Variants in DGKK observed in about 807,000 individuals in gnomAD.
DGKK encodes diacylglycerol kinase kappa.
Under a neutral mutation model 92.2 loss-of-function variants are expected in DGKK, and 35 were observed. The observed-to-expected ratio is 0.38, with a 90% confidence interval of 0.29 to 0.50. The LOEUF (loss-of-function observed/expected upper bound fraction) is 0.50, where lower values mean the gene tolerates loss of function less well. DGKK is among the 20% of genes least tolerant of loss of function. The probability of loss-of-function intolerance (pLI) is 0.92; values close to 1 mark genes in which losing one functional copy is unlikely to be tolerated. For missense variants in DGKK, 910 were observed against 992.2 expected (o/e 0.92, Z 1.11); for synonymous variants, 368 against 360.6 (o/e 1.02, Z -0.23).
chrX:50,451,676 T>C (rs2147148812), intron 1 of DGKK, among the ~76,000 whole-genome samples: 1 of 111,618 alleles, frequency 9.0e-6, no homozygotes, highest in Admixed American at 9.6e-5. Flanking sequence ...ATCTACCACT[T>C]TTCTATGAAA....
At position 50,468,796 on chromosome X, in the gene DGKK, G is replaced by A. The variant is rs782584609; in HGVS notation, c.645+1238C>T. On this transcript the variant is annotated intron_variant, in intron 1 of 27. Transcript: ENST00000611977. ...CACAGCAGAAGGGTTCCTGAGCCGTGTCCTTATGGTCTGCTAGGCAGCAGG... is the reference window on the plus strand; with the variant it reads ...CACAGCAGAAGGGTTCCTGAGCCGTATCCTTATGGTCTGCTAGGCAGCAGG... Among the ~76,000 whole-genome samples, 11 of 110,347 alleles carry A rather than the reference G, an allele frequency of 1.0e-4. 1 individual carries two copies. In the East Asian group the frequency reaches 2.6e-3, roughly 26 times the overall value.
chrX:50,436,078 G>A (rs1926015768), intron 1 of DGKK, among the ~76,000 whole-genome samples: 3 of 112,174 alleles, frequency 2.7e-5, no homozygotes, highest in African/African-American at 9.7e-5. Context: ...TGAGACACTA[G>A]TCTGTCAAAG....
At chrX:50,425,003 C>T (rs1925697172) in intron 1 of DGKK, among the ~76,000 whole-genome samples, 1 of 112,039 alleles carries the variant, frequency 8.9e-6, no homozygotes, top group Non-Finnish European at 1.9e-5. Flanking sequence ...ACCTGCTGAA[C>T]AGACTGATCC....
intron 20 of DGKK, among the ~76,000 whole-genome samples, chrX:50,378,975 A>G (rs969220349): frequency 1.8e-5 from 2 of 112,064 alleles, no homozygotes; most frequent in Non-Finnish European, 3.8e-5. Flanking sequence ...TAAAGGGGTC[A>G]TGGTCAGCAT....
In DGKK at chrX:50,403,578, G is replaced by A; in HGVS notation, c.1098C>T (p.His366=). ...IICEVCKVKS[H]RLCALRASKD... is the part of the protein sequence containing the mutation. ...TGCTTGCTCTCAAAGCACACAATCT[G>A]TGAGATTTCACTTTGCACACTGTGA... Residue 366 remains histidine, a synonymous_variant, in exon 6 of 28, where the codon CAC becomes CAT. Transcript: ENST00000611977. 5 of 1,207,617 alleles carry A rather than the reference G, an allele frequency of 4.1e-6. No homozygotes were observed. The highest frequency in any genetic ancestry group is 5.6e-6 in the Non-Finnish European group (5 of 892,406).
rs6614458 is a variant in DGKK at position 50,426,458 on chromosome X, T to C, written c.646-2100A>G. 0.015 allele frequency among the ~76,000 whole-genome samples: 1,735 copies of C among 112,017 alleles called. 82 individuals carry two copies. The East Asian group carries it at 0.24, about 15-fold the overall frequency. ...GCATTTGATAAGCTCTTTAATGATA[T>C]TACTATGAGCAAGAAGGAGAAATTA... On this transcript the variant is annotated intron_variant, in intron 1 of 27. Transcript: ENST00000611977.
At chrX:50,428,972 A>C (rs868940257) in intron 1 of DGKK, among the ~76,000 whole-genome samples, 14 of 111,937 alleles carry the variant, frequency 1.3e-4, no homozygotes, top group South Asian at 3.8e-4. Context: ...AACAATCTTT[A>C]CCCGCTTGGG....
At chrX:50,454,909 T>TA (rs1370133187) in intron 1 of DGKK, among the ~76,000 whole-genome samples, 1 of 112,273 alleles carries the variant, frequency 8.9e-6, no homozygotes, top group Non-Finnish European at 1.9e-5. Flanking sequence ...TCCTCTTTTA[T>TA]AATTCTACAG....
At chrX:50,409,619 G>C (rs1320397981) in intron 4 of DGKK, among the ~76,000 whole-genome samples, 5 of 112,019 alleles carry the variant, frequency 4.5e-5, no homozygotes, top group African/African-American at 6.5e-5. Context: ...AAAGCTTTCA[G>C]TGTGTGGTTG....
At chrX:50,448,104 C>G (rs1292763926) in intron 1 of DGKK, among the ~76,000 whole-genome samples, 1 of 111,166 alleles carries the variant, frequency 9.0e-6, no homozygotes, top group Admixed American at 9.5e-5. Flanking sequence ...TTCTAAACAT[C>G]GAAAGAGAAA....
chrX:50,461,864 G>A (rs1164558418), intron 1 of DGKK, among the ~76,000 whole-genome samples: 2 of 111,749 alleles, frequency 1.8e-5, no homozygotes, highest in African/African-American at 6.5e-5. Flanking sequence ...CAAATTTTAT[G>A]GATTTGTGAA....
chrX:50,405,016 T>C, intron 4 of DGKK, among the ~76,000 whole-genome samples: 1 of 111,504 alleles, frequency 9.0e-6, no homozygotes, highest in Non-Finnish European at 1.9e-5. Context: ...TACAGCAGTT[T>C]CCTGATTAAT....
At chrX:50,414,081 A>G (rs1925368922) in intron 4 of DGKK, among the ~76,000 whole-genome samples, 1 of 112,152 alleles carries the variant, frequency 8.9e-6, no homozygotes, top group Admixed American at 9.5e-5. Context: ...TCTGGAGGAC[A>G]TTATGCTAAG....
chrX:50,416,004 C>T (rs191228566), intron 4 of DGKK, among the ~76,000 whole-genome samples: 22 of 111,766 alleles, frequency 2.0e-4, no homozygotes, highest in African/African-American at 6.8e-4. Flanking sequence ...GCATGCTCCC[C>T]ACACGTTATA....
chrX:50,455,476 T>C, intron 1 of DGKK, among the ~76,000 whole-genome samples: 1 of 112,235 alleles, frequency 8.9e-6, no homozygotes. Flanking sequence ...TTCTCATTAT[T>C]TTAATAAAAG....
chrX:50,380,616 G>A (rs1924391107), intron 18 of DGKK, among the ~76,000 whole-genome samples: 1 of 111,587 alleles, frequency 9.0e-6, no homozygotes. Flanking sequence ...AGATTTTAGA[G>A]GAGGAGCCAG....
At chrX:50,415,089 G>T (rs1007913554) in intron 4 of DGKK, among the ~76,000 whole-genome samples, 10 of 111,876 alleles carry the variant, frequency 8.9e-5, no homozygotes, top group Admixed American at 3.8e-4. Context: ...GAGCTGTGGG[G>T]ATGGAAGAGT....
At chrX:50,445,227 G>C (rs782120258) in intron 1 of DGKK, among the ~76,000 whole-genome samples, 1 of 106,621 alleles carries the variant, frequency 9.4e-6, no homozygotes. Flanking sequence ...CCATTCTGTA[G>C]GTTGTCTGTT....
intron 1 of DGKK, among the ~76,000 whole-genome samples, chrX:50,458,987 A>AT (rs1393476253): frequency 6.3e-5 from 7 of 110,756 alleles, no homozygotes; most frequent in African/African-American, 2.3e-4. Flanking sequence ...CAACTTCTTC[A>AT]TTTTTTCCCC....
Sources: gnomAD v4.1 joint callset for allele counts (sites outside exome capture counted in the v4.1 genomes callset) on GRCh38, gnomAD v4.1.1 for gene constraint, MANE v1.5 for transcripts, NCBI Gene and HGNC (gene_info 2026-07-23, HGNC 2026-07-21) for gene names.